The following ZSCAN1 variants were observed in gnomAD, a reference collection of about 807,000 sequenced individuals.
The protein encoded by ZSCAN1 is zinc finger and SCAN domain containing 1.
In ZSCAN1, 23 loss-of-function variants were observed where a neutral mutation model predicts 23.8. The observed-to-expected ratio is 0.97, with a 90% CI of 0.70 to 1.37. The LOEUF (loss-of-function observed/expected upper bound fraction) is 1.37. ZSCAN1 is among the 40% of genes most tolerant of loss of function. ZSCAN1 has a pLI of 0.00. For missense variants in ZSCAN1, 575 were observed against 554.0 expected, an observed-to-expected ratio of 1.04 and a Z score of -0.38; for synonymous variants, 236 against 232.3, an observed-to-expected ratio of 1.02 and a Z score of -0.15.
At chr19:58,034,563 C>T (rs937417723) in intron 1 of ZSCAN1, among the ~76,000 whole-genome samples, 7 of 152,020 alleles carry the variant, frequency 4.6e-5, no homozygotes, top group African/African-American at 1.7e-4. Context: ...GATCAGCATC[C>T]CGGGACCTAT....
intron 1 of ZSCAN1, among the ~76,000 whole-genome samples, chr19:58,035,158 G>A (rs1350268303): frequency 6.6e-6 from 1 of 151,932 alleles, no homozygotes; most frequent in Non-Finnish European, 1.5e-5. Flanking sequence ...AGACTTCTAG[G>A]ACCCCAGGGC....
intron 4 of ZSCAN1, chr19:58,044,516 A>G (rs1475575890): frequency 7.0e-6 from 3 of 431,316 alleles, no homozygotes; most frequent in East Asian, 1.0e-4. Flanking sequence ...GAGACGGCGA[A>G]GAGCCGCGGC....
chr19:58,037,909 GAC>G lies in ZSCAN1; in HGVS notation c.74_75del (p.Asp25AlafsTer115), dbSNP rs1205821310. The G allele has an allele frequency of 6.3e-7, 1 of 1,588,240 alleles. No individual in the cohort carries two copies. The highest frequency in any genetic ancestry group is 8.5e-7 in the Non-Finnish European group (1 of 1,172,824). Reference protein sequence around the residue: ...QTPTPSEQDADPGPASPRDTE... With the variant: ...QTPTPSEQDAXPGPASPRDTE... ...CCCAACCCCGAGTGAGCAGGACGCA[GAC>G]CCTGGGCCAGCAAGCCCCAGGGACA... On this transcript the variant is annotated frameshift_variant, in exon 3 of 6. Coordinates refer to ENST00000282326, the MANE Select transcript of ZSCAN1 (RefSeq NM_182572.4). LOFTEE classifies it high-confidence loss of function.
At chr19:58,034,753 A>G (rs1314584544) in intron 1 of ZSCAN1, among the ~76,000 whole-genome samples, 10 of 48,726 alleles carry the variant, frequency 2.1e-4, no homozygotes, top group African/African-American at 6.5e-4. Context: ...CAATCACCCC[A>G]CCATCCTCCC....
chr19:58,055,618 T>C (rs1360565327), downstream of ZSCAN1, among the ~76,000 whole-genome samples: 2 of 152,180 alleles, frequency 1.3e-5, no homozygotes, highest in African/African-American at 4.8e-5. Context: ...CCCCTGAGCC[T>C]TCTCTCAGGC....
Position 58,053,581 on chromosome 19 carries a change from A to T in ZSCAN1, c.757A>T (p.Arg253Trp). 1 of 1,614,156 alleles carries T rather than the reference A, an allele frequency of 6.2e-7. No homozygotes were observed. Residue 253 changes from arginine (R) to tryptophan (W), a missense_variant, in exon 6 of 6, where the codon AGG (arginine) becomes TGG (tryptophan). Physicochemically the swap from Arg to Trp is moderately radical, Grantham distance 101. Coordinates refer to ENST00000282326, the MANE Select transcript of ZSCAN1 (RefSeq NM_182572.4). This position sits in a 1 kb window ranked among gnomAD's most constrained non-coding sequence, Gnocchi z 5.8. ...GAGAATCAGTCCCCGAAGGAGAAAC[A>T]GGAACACTGACCAGAGCGGCCGCCA... ...AQRISPRRRN[R>W]NTDQSGRHQP...
intron 4 of ZSCAN1, chr19:58,044,534 GAGA>G (rs1036172287): frequency 6.3e-6 from 3 of 475,882 alleles, no homozygotes; most frequent in Admixed American, 4.3e-5. Context: ...GGCCGCCGCG[GAGA>G]AGGAGGAGGA....
At chr19:58,055,041 CATT>C (rs2073882818), downstream of ZSCAN1, among the ~76,000 whole-genome samples, 1 of 152,198 alleles carries the variant, frequency 6.6e-6, no homozygotes, top group African/African-American at 2.4e-5. Context: ...GTCCCCAACT[CATT>C]GTTGTCGGAC....
rs1246147132 is a variant in ZSCAN1, at chr19:58,052,624, G to T, written c.600G>T (p.Leu200Phe). The change falls in exon 5 of 6, where the codon TTG becomes TTT. Residue 200 changes from leucine (L) to phenylalanine (F), a missense_variant. Coordinates refer to ENST00000282326, the MANE Select transcript of ZSCAN1 (RefSeq NM_182572.4). ...CCGAAGCGCCCCGCGCCCCTGGCTT[G>T]CTGGGTGAGTCTGGCTCCTGTGTGG... ...AEAEAPRAPG[L>F]LGSRARLPLK... is the part of the protein sequence containing the mutation. 1.3e-6 allele frequency: 2 copies of T among 1,598,346 alleles called. No homozygotes were observed. The highest frequency in any genetic ancestry group is 1.3e-5 in the African/African-American group (1 of 74,458).
rs763586782 is a variant in ZSCAN1 at position 58,053,459 on chromosome 19, G to A, written c.635G>A (p.Ser212Asn). Residue 212 changes from serine to asparagine, a missense_variant, in exon 6 of 6, where the codon AGT (serine) becomes AAT (asparagine). Ser to Asn is a conservative substitution (Grantham distance 46, BLOSUM62 1). Transcript: ENST00000282326. The surrounding 1 kb of genome is among the most constrained non-coding windows in gnomAD (Gnocchi z 5.8). ...GSRARLPLKP[S>N]IWDEPEDLLA... is the part of the protein sequence containing the mutation. Reference sequence around the variant, plus strand: ...CGGGCCCGCTTGCCTCTGAAGCCGAGTATCTGGGACGAGCCTGAGGACCTT... The same window carrying A: ...CGGGCCCGCTTGCCTCTGAAGCCGAATATCTGGGACGAGCCTGAGGACCTT... 3.7e-6 allele frequency: 6 copies of A among 1,612,342 alleles called. No individual in the cohort carries two copies. In the Admixed American group the frequency reaches 1.0e-4, roughly 27 times the overall value.
intron 4 of ZSCAN1, among the ~76,000 whole-genome samples, chr19:58,048,080 A>G (rs1449900934): frequency 1.3e-5 from 2 of 152,250 alleles, no homozygotes; most frequent in Admixed American, 6.5e-5. Flanking sequence ...TGCCTTCTCC[A>G]TTACTTGAAG....
At chr19:58,037,452 T>C (rs2073745832) in intron 2 of ZSCAN1, among the ~76,000 whole-genome samples, 1 of 112,538 alleles carries the variant, frequency 8.9e-6, no homozygotes, top group African/African-American at 3.4e-5. Context: ...ATAAGGATGA[T>C]GGCCAGGACA....
In ZSCAN1 at chr19:58,052,509, A is replaced by C. The variant is rs750286867; in HGVS notation, c.485A>C (p.Asp162Ala). 32 of 1,614,012 alleles carry C rather than the reference A, an allele frequency of 2.0e-5. No homozygotes were observed. The Admixed American group carries it at 5.3e-4, about 27-fold the overall frequency. ...TTCTAGGCGTCTGAGCTGATTCTGG[A>C]TGCAGTGGCAGCAGCCCCAGCACTC... ...EPSQASELIL[D>A]AVAAAPALPE... Residue 162 changes from aspartate to alanine, a missense_variant, in exon 5 of 6, where the codon GAT becomes GCT. Physicochemically the swap from Asp to Ala is moderately radical, Grantham distance 126. Transcript: ENST00000282326.
chr19:58,053,566 C>T lies in ZSCAN1; in HGVS notation c.742C>T (p.Pro248Ser). ...GGGTCCAAGTGCTCAGAGAATCAGT[C>T]CCCGAAGGAGAAACAGGAACACTGA... The part of the protein sequence containing the change: ...PKGPSAQRIS[P>S]RRRNRNTDQS... The change falls in exon 6 of 6, where the codon CCC becomes TCC. Residue 248 changes from proline (P) to serine (S), a missense_variant. Physicochemically the swap from Pro to Ser is moderately conservative, Grantham distance 74. Transcript: ENST00000282326. The surrounding 1 kb of genome is among the most constrained non-coding windows in gnomAD (Gnocchi z 5.8). 1 of 1,614,172 alleles carries T rather than the reference C, an allele frequency of 6.2e-7. No homozygotes were observed.
Position 58,054,605 on chromosome 19 carries a change from G to C in ZSCAN1, c.*554G>C, listed in dbSNP as rs995651768. The C allele has an allele frequency of 6.6e-6, 1 of 152,450 alleles. No homozygotes were observed. Among genetic ancestry groups the C allele is most frequent in the Non-Finnish European group, 1.5e-5 (1 of 68,354 alleles). 9.4% of individuals were successfully genotyped at this position (152,450 alleles called of 1,614,324 possible). A position where few individuals can be genotyped will look rare whatever the true frequency, so the allele number is the denominator to read the frequency against. On this transcript the variant is annotated 3_prime_UTR_variant, in exon 6 of 6. Coordinates refer to ENST00000282326, the MANE Select transcript of ZSCAN1 (RefSeq NM_182572.4). The surrounding 1 kb of genome is among the most constrained non-coding windows in gnomAD (Gnocchi z 4.2). ...ATGCAACATAAAATTTACCATTTCA[G>C]TCATTAAAAATGAACAGTTCAGTGG... is the stretch of plus-strand genomic sequence containing the variant.
chr19:58,037,704 C>T, intron 2 of ZSCAN1, 24 bp from the exon 3 acceptor site: 1 of 1,184,458 alleles, frequency 8.4e-7, no homozygotes, highest in Non-Finnish European at 1.1e-6. Context: ...GATGTGACCC[C>T]TCTGTCCCTG....
At chr19:58,038,302 C>A in intron 3 of ZSCAN1, 96 bp downstream of exon 3, 1 of 1,475,074 alleles carries the variant, frequency 6.8e-7, no homozygotes, top group Non-Finnish European at 9.1e-7. Context: ...CGCTCCCACC[C>A]CTGCCCGGCC....
Position 58,037,718 on chromosome 19 carries a change from C to T in ZSCAN1, c.-109-10C>T. 2 of 1,300,240 alleles carry T rather than the reference C, an allele frequency of 1.5e-6. No individual in the cohort carries two copies. Among genetic ancestry groups the T allele is most frequent in the Non-Finnish European group, 2.0e-6 (2 of 979,836 alleles). 80.5% of individuals were successfully genotyped at this position (1,300,240 alleles called of 1,614,324 possible). A position where few individuals can be genotyped will look rare whatever the true frequency, so the allele number is the denominator to read the frequency against. ...TGATGTGACCCCTCTGTCCCTGCCCCTCTCTGCAGGCCCCTGATTGCTGAT... is the reference window on the plus strand; with the variant it reads ...TGATGTGACCCCTCTGTCCCTGCCCTTCTCTGCAGGCCCCTGATTGCTGAT... On this transcript the variant is annotated splice_polypyrimidine_tract_variant and intron_variant, in intron 2 of 5. Coordinates refer to ENST00000282326, the MANE Select transcript of ZSCAN1 (RefSeq NM_182572.4).
At chr19:58,039,107 G>A (rs1256468208) in intron 3 of ZSCAN1, among the ~76,000 whole-genome samples, 1 of 152,208 alleles carries the variant, frequency 6.6e-6, no homozygotes, top group Non-Finnish European at 1.5e-5. Context: ...CAGGGTCCAG[G>A]GTCCCCTTAC....
Sources: gnomAD v4.1 joint callset for allele counts (sites outside exome capture counted in the v4.1 genomes callset) on GRCh38, gnomAD v4.1.1 for gene constraint, Gnocchi (gnomAD v3.1) non-coding constraint, MANE v1.5 for transcripts, NCBI Gene and HGNC (gene_info 2026-07-23, HGNC 2026-07-21) for gene names.